The following STK38L variants were observed in gnomAD, a reference collection of about 807,000 sequenced individuals.
The protein encoded by STK38L is serine/threonine kinase 38 like, also known as serine/threonine-protein kinase 38-like.
In STK38L, 28 loss-of-function variants were observed where a neutral mutation model predicts 59.7. The observed-to-expected ratio is 0.47, with a 90% CI of 0.35 to 0.64. The LOEUF (loss-of-function observed/expected upper bound fraction) is 0.64, where lower values mean the gene tolerates loss of function less well. STK38L is among the 30% of genes least tolerant of loss of function. The probability of loss-of-function intolerance (pLI) is 0.01; values close to 1 mark genes in which losing one functional copy is unlikely to be tolerated. For synonymous variants in STK38L, 162 were observed against 176.8 expected (o/e 0.92, Z 0.66); for missense variants, 314 against 555.8 (o/e 0.56, Z 4.37).
At chr12:27,257,921 G>A (rs1187286297) in intron 1 of STK38L, among the ~76,000 whole-genome samples, 1 of 151,352 alleles carries the variant, frequency 6.6e-6, no homozygotes. Context: ...GAGTGCAGTG[G>A]CACAGTCTTA....
At position 27,323,220 on chromosome 12, in the gene STK38L, T is replaced by TG. The variant is rs1378156883; in HGVS notation, c.*766dup. The TG allele has an allele frequency of 6.6e-6, 1 of 152,196 alleles. No individual in the cohort carries two copies. The highest frequency in any genetic ancestry group is 2.4e-5 in the African/African-American group (1 of 41,468). The allele number at this position is 152,196 out of a possible 1,614,324, so 9.4% of individuals were successfully genotyped here. A position where few individuals can be genotyped will look rare whatever the true frequency, so the allele number is the denominator to read the frequency against. ...GGGAGATGTACTGTATTATATAACA[T>TG]GTAAAGTTGATTTTCTTGTGACAAG... On this transcript the variant is annotated 3_prime_UTR_variant, in exon 14 of 14. Transcript: ENST00000389032.
intron 3 of STK38L, among the ~76,000 whole-genome samples, chr12:27,303,790 G>A (rs912447772): frequency 2.0e-5 from 3 of 152,118 alleles, no homozygotes; most frequent in African/African-American, 7.2e-5. Flanking sequence ...GGTAAGGGAT[G>A]TATACAAAAT....
chr12:27,251,193 G>A (rs945883317), intron 1 of STK38L, among the ~76,000 whole-genome samples: 1 of 151,266 alleles, frequency 6.6e-6, no homozygotes, highest in Admixed American at 6.6e-5. Flanking sequence ...TTACAGTTTT[G>A]CATGTCAGAC....
intron 1 of STK38L, among the ~76,000 whole-genome samples, chr12:27,267,037 ATTTTACAG>A (rs2136614622): frequency 6.6e-6 from 1 of 152,266 alleles, no homozygotes; most frequent in South Asian, 2.1e-4. Flanking sequence ...GTTTGACTCA[ATTTTACAG>A]TTTCGGGTTT....
chr12:27,273,968 T>C (rs1486618324), intron 1 of STK38L, among the ~76,000 whole-genome samples: 2 of 152,098 alleles, frequency 1.3e-5, no homozygotes, highest in African/African-American at 2.4e-5. Flanking sequence ...GAAATGCCCT[T>C]TTTGGGCCGG....
intron 6 of STK38L, 36 bp downstream of exon 6, chr12:27,312,708 C>A: frequency 6.2e-7 from 1 of 1,603,862 alleles, no homozygotes; most frequent in Non-Finnish European, 8.5e-7. Context: ...CAGACTGATA[C>A]AAGCACATCT....
intron 1 of STK38L, among the ~76,000 whole-genome samples, chr12:27,253,556 A>C (rs1565521977): frequency 1.3e-5 from 2 of 152,220 alleles, no homozygotes; most frequent in Non-Finnish European, 2.9e-5. Flanking sequence ...GAAGCTGGGC[A>C]GGTGACTGGA....
chr12:27,310,556 A>AAAAT (rs959757607), intron 5 of STK38L, among the ~76,000 whole-genome samples: 10 of 147,682 alleles, frequency 6.8e-5, no homozygotes, highest in South Asian at 2.2e-4. Context: ...GCTTGGTGCA[A>AAAAT]AAATAAATAA....
intron 1 of STK38L, among the ~76,000 whole-genome samples, chr12:27,287,569 T>C (rs1259566207): frequency 6.6e-6 from 1 of 152,228 alleles, no homozygotes; most frequent in Non-Finnish European, 1.5e-5. Context: ...TTAAGAAAGC[T>C]CATTCCTTCC....
At chr12:27,282,097 A>C (rs1208670184) in intron 1 of STK38L, among the ~76,000 whole-genome samples, 7 of 152,238 alleles carry the variant, frequency 4.6e-5, no homozygotes, top group African/African-American at 1.7e-4. Context: ...TGCTGGTCCA[A>C]ATAAATAAAC....
intron 1 of STK38L, among the ~76,000 whole-genome samples, chr12:27,247,445 T>C: frequency 6.6e-6 from 1 of 152,240 alleles, no homozygotes; most frequent in East Asian, 1.9e-4. Context: ...GGGTCAGTTT[T>C]CTAGAAAGAG....
intron 5 of STK38L, among the ~76,000 whole-genome samples, chr12:27,310,241 G>A (rs939162433): frequency 1.3e-5 from 2 of 152,148 alleles, no homozygotes; most frequent in Non-Finnish European, 2.9e-5. Context: ...AGGTGTGGAA[G>A]GCAAGGAAGG....
chr12:27,281,042 C>T (rs1943643127), intron 1 of STK38L, among the ~76,000 whole-genome samples: 1 of 148,968 alleles, frequency 6.7e-6, no homozygotes, highest in African/African-American at 2.5e-5. Context: ...TAGGAAGCTA[C>T]AGATTTATTT....
Position 27,322,426 on chromosome 12 carries a change from C to T in STK38L, c.1366C>T (p.Pro456Ser). The change falls in exon 14 of 14, where the codon CCC (proline) becomes TCC (serine). Residue 456 changes from proline (P) to serine (S), a missense_variant. Pro to Ser is a moderately conservative substitution (Grantham distance 74, BLOSUM62 -1). This residue lies in a region of STK38L where 94 missense variants were observed against 142.2 expected (regional missense o/e 0.66). Coordinates refer to ENST00000389032, the MANE Select transcript of STK38L (RefSeq NM_015000.4). The stretch of plus-strand genomic sequence containing the variant: ...AGGGTTGACTCAACGTGGCTCTATC[C>T]CCACCTACATGAAAGCTGGGAAGTT... ...FEGLTQRGSI[P>S]TYMKAGKL is the part of the protein sequence containing the mutation. The T allele has an allele frequency of 6.2e-7, 1 of 1,613,612 alleles. No homozygotes were observed. The highest frequency in any genetic ancestry group is 8.5e-7 in the Non-Finnish European group (1 of 1,179,826).
intron 1 of STK38L, among the ~76,000 whole-genome samples, chr12:27,272,442 A>C (rs1469951326): frequency 2.0e-5 from 3 of 152,120 alleles, no homozygotes; most frequent in Admixed American, 2.0e-4. Flanking sequence ...TTTCCTTTTG[A>C]TTTCCCCTCA....
intron 12 of STK38L, among the ~76,000 whole-genome samples, chr12:27,321,306 C>T (rs1944722529): frequency 6.6e-6 from 1 of 152,098 alleles, no homozygotes; most frequent in Non-Finnish European, 1.5e-5. Context: ...TATAGCTAAA[C>T]TTTTTAGCAT....
intron 1 of STK38L, among the ~76,000 whole-genome samples, chr12:27,261,871 A>C (rs1168313296): frequency 1.3e-5 from 2 of 152,232 alleles, no homozygotes; most frequent in Non-Finnish European, 2.9e-5. Flanking sequence ...TGTAGGGTTT[A>C]CTATTTGCCA....
At chr12:27,250,923 C>A (rs992980104) in intron 1 of STK38L, among the ~76,000 whole-genome samples, 1 of 149,548 alleles carries the variant, frequency 6.7e-6, no homozygotes, top group African/African-American at 2.5e-5. Context: ...GGCGTCAACC[C>A]GGGAGGTGGA....
intron 1 of STK38L, among the ~76,000 whole-genome samples, chr12:27,272,420 A>G (rs1943442885): frequency 1.3e-5 from 2 of 152,208 alleles, no homozygotes; most frequent in Admixed American, 1.3e-4. Context: ...CGATTTAAAT[A>G]TTATGCTTTG....
Sources: gnomAD v4.1 joint callset for allele counts (sites outside exome capture counted in the v4.1 genomes callset) on GRCh38, gnomAD v4.1.1 for gene constraint, gnomAD v4.1.1 regional missense constraint, MANE v1.5 for transcripts, NCBI Gene and HGNC (gene_info 2026-07-23, HGNC 2026-07-21) for gene names.